The following FERRY3 variants were observed in gnomAD, a reference collection of about 807,000 sequenced individuals.
FERRY3 encodes the protein FERRY endosomal RAB5 effector complex subunit 3, also known as protein C12orf4.
the FERRY3 span, among the ~76,000 whole-genome samples, chr12:4,497,382 T>C: frequency 6.6e-6 from 1 of 151,974 alleles, no homozygotes. Context: ...AAAAGGGAGG[T>C]GGCTGCTGGG....
chr12:4,506,553 T>C, the FERRY3 span, among the ~76,000 whole-genome samples: 1 of 152,134 alleles, frequency 6.6e-6, no homozygotes, highest in African/African-American at 2.4e-5. Context: ...AATCGTAGCA[T>C]AGATTATAAG....
the FERRY3 span, chr12:4,525,335 G>GTTGA: frequency 1.9e-6 from 3 of 1,613,454 alleles, no homozygotes; most frequent in Non-Finnish European, 2.5e-6. Flanking sequence ...TTGGATGGCA[G>GTTGA]TTGATTGTTT....
At chr12:4,496,656 A>G in the FERRY3 span, among the ~76,000 whole-genome samples, 2 of 152,220 alleles carry the variant, frequency 1.3e-5, no homozygotes, top group African/African-American at 4.8e-5. Flanking sequence ...AACGCCTTCT[A>G]TCTAAAGCTC....
the FERRY3 span, chr12:4,534,142 G>C: frequency 1.3e-6 from 2 of 1,544,744 alleles, no homozygotes; most frequent in Admixed American, 2.1e-5. Context: ...TTTACAATCT[G>C]ACCTATTTTC....
chr12:4,538,209 G>A, the FERRY3 span, among the ~76,000 whole-genome samples: 1 of 152,298 alleles, frequency 6.6e-6, no homozygotes, highest in Non-Finnish European at 1.5e-5. Flanking sequence ...TGAAATCCAG[G>A]AAGGTTTCCC....
At chr12:4,529,234 T>C in the FERRY3 span, among the ~76,000 whole-genome samples, 1 of 152,200 alleles carries the variant, frequency 6.6e-6, no homozygotes, top group Admixed American at 6.5e-5. Context: ...ATTGTTTGTA[T>C]ACTGTGTTAA....
At chr12:4,495,001 T>G in the FERRY3 span, among the ~76,000 whole-genome samples, 1 of 152,220 alleles carries the variant, frequency 6.6e-6, no homozygotes, top group African/African-American at 2.4e-5. Context: ...CAGCAATGTT[T>G]TATAGTTGCC....
At chr12:4,536,234 G>A in the FERRY3 span, 156,781 of 1,407,914 alleles carry the variant, frequency 0.11, 9,503 homozygotes, top group Non-Finnish European at 0.12. Flanking sequence ...CAAAAAAGCA[G>A]TAGGTTATAA....
the FERRY3 span, among the ~76,000 whole-genome samples, chr12:4,513,869 G>T: frequency 6.6e-6 from 1 of 151,998 alleles, no homozygotes. Flanking sequence ...AAAAGCAATG[G>T]CAACAAAAGC....
chr12:4,518,818 T>C, the FERRY3 span: 3 of 1,595,608 alleles, frequency 1.9e-6, no homozygotes, highest in Non-Finnish European at 2.6e-6. Context: ...CTGTTCCTCA[T>C]AAATCCTTCC....
At chr12:4,529,778 C>CT in the FERRY3 span, 4 of 1,136,106 alleles carry the variant, frequency 3.5e-6, no homozygotes, top group Admixed American at 2.7e-5. Context: ...CTATCTTATC[C>CT]TTTTTGTAAA....
the FERRY3 span, chr12:4,491,084 G>T: frequency 9.2e-7 from 1 of 1,086,388 alleles, no homozygotes; most frequent in Non-Finnish European, 1.4e-6. Context: ...AGATTACAGG[G>T]GTATCTTTCA....
the FERRY3 span, among the ~76,000 whole-genome samples, chr12:4,528,922 C>A: frequency 6.7e-6 from 1 of 150,248 alleles, no homozygotes; most frequent in Admixed American, 6.7e-5. Context: ...CACACACACA[C>A]ACACACACAC....
chr12:4,517,068 T>C, the FERRY3 span: 1 of 1,549,982 alleles, frequency 6.5e-7, no homozygotes, highest in South Asian at 1.3e-5. Context: ...CACCAAGTGA[T>C]TCTTTCAATT....
the FERRY3 span, among the ~76,000 whole-genome samples, chr12:4,523,836 C>T: frequency 6.6e-6 from 1 of 152,122 alleles, no homozygotes; most frequent in Admixed American, 6.5e-5. Flanking sequence ...GAAGGGATAG[C>T]ATTAGGAGAT....
At chr12:4,512,366 G>A in the FERRY3 span, among the ~76,000 whole-genome samples, 1 of 152,176 alleles carries the variant, frequency 6.6e-6, no homozygotes, top group Non-Finnish European at 1.5e-5. Context: ...TAGGAAAAGA[G>A]GGAATCCTCC....
At chr12:4,517,196 G>C in the FERRY3 span, 1 of 1,523,864 alleles carries the variant, frequency 6.6e-7, no homozygotes, top group Non-Finnish European at 8.8e-7. Flanking sequence ...AAATCTAAGG[G>C]ACCCAAAACA....
the FERRY3 span, among the ~76,000 whole-genome samples, chr12:4,517,449 T>C: frequency 6.6e-6 from 1 of 151,888 alleles, no homozygotes; most frequent in Admixed American, 6.6e-5. Context: ...CTTCTTTAAA[T>C]AATACTTTCA....
At chr12:4,493,678 C>G in the FERRY3 span, among the ~76,000 whole-genome samples, 1 of 152,180 alleles carries the variant, frequency 6.6e-6, no homozygotes, top group Non-Finnish European at 1.5e-5. Context: ...AAGGCTGCTA[C>G]AAAAGAGCTA....
Sources: gnomAD v4.1 joint callset for allele counts (sites outside exome capture counted in the v4.1 genomes callset) on GRCh38, gnomAD v4.1.1 for gene constraint, MANE v1.5 for transcripts, NCBI Gene and HGNC (gene_info 2026-07-23, HGNC 2026-07-21) for gene names.